Variants in NSUN2 observed in about 807,000 individuals in gnomAD.
NSUN2 encodes the protein NOP2/Sun RNA methyltransferase 2.
NSUN2 carries 63 observed loss-of-function variants against 92.7 expected under a neutral mutation model. The ratio of observed to expected loss-of-function variants is 0.68; its 90% confidence interval spans 0.56 to 0.84. NSUN2 has a LOEUF of 0.84. NSUN2 is among the 40% of genes least tolerant of loss of function. The probability of loss-of-function intolerance (pLI) is 0.00; values close to 1 mark genes in which losing one functional copy is unlikely to be tolerated. For missense variants in NSUN2, 989 were observed against 964.9 expected, an observed-to-expected ratio of 1.02 and a Z score of -0.33; for synonymous variants, 356 against 348.3, an observed-to-expected ratio of 1.02 and a Z score of -0.25.
Position 6,604,875 on chromosome 5 carries a change from A to C in NSUN2, c.1738-190T>G, listed in dbSNP as rs778425664. On this transcript the variant is annotated intron_variant, in intron 15 of 18. Coordinates refer to ENST00000264670, the MANE Select transcript of NSUN2 (RefSeq NM_017755.6). ...TGATTACGTCGTTTGGAGGACAGTA[A>C]AGCAAATGAAAGAAGGGCCCCCAAA... 113 of 614,636 alleles carry C rather than the reference A, an allele frequency of 1.8e-4. 2 individuals carry two copies. The highest frequency in any genetic ancestry group is 6.9e-4 in the South Asian group (34 of 49,568). 38.1% of individuals were successfully genotyped at this position (614,636 alleles called of 1,614,324 possible).
chr5:6,619,167 A>T lies in NSUN2; in HGVS notation c.815+939T>A, dbSNP rs150898584. ...GGAATACTGAAAAATTGCAACCTAG[A>T]GGAAAAAAAAACTTTAGTTCATGAT... On this transcript the variant is annotated intron_variant, in intron 7 of 18. Transcript: ENST00000264670. 9.3e-3 allele frequency among the ~76,000 whole-genome samples: 1,409 copies of T among 152,284 alleles called. 19 individuals are homozygous for T. Among genetic ancestry groups the T allele is most frequent in the African/African-American group, 0.032 (1,328 of 41,542 alleles).
intron 8 of NSUN2, among the ~76,000 whole-genome samples, chr5:6,617,667 G>A (rs1737266070): frequency 6.6e-6 from 1 of 152,172 alleles, no homozygotes; most frequent in African/African-American, 2.4e-5. Flanking sequence ...CATACATCAA[G>A]AGGTAAACGG....
rs797045836 is a variant in NSUN2, at chr5:6,600,240, T to C, written c.1998-8A>G. Reference sequence around the variant, plus strand: ...TGCAGAGCGTCTGGATTCCTACAAGTGAAAGTGGCTTCATGTAGAACATTA... The same window carrying C: ...TGCAGAGCGTCTGGATTCCTACAAGCGAAAGTGGCTTCATGTAGAACATTA... On this transcript the variant is annotated splice_region_variant and splice_polypyrimidine_tract_variant and intron_variant, in intron 18 of 18. Coordinates refer to ENST00000264670, the MANE Select transcript of NSUN2 (RefSeq NM_017755.6). 1.9e-6 allele frequency: 3 copies of C among 1,609,226 alleles called. No individual in the cohort carries two copies. Among genetic ancestry groups the C allele is most frequent in the Non-Finnish European group, 2.5e-6 (3 of 1,176,568 alleles).
At chr5:6,620,481 G>T in intron 6 of NSUN2, 183 bp from the exon 7 acceptor site, 1 of 426,290 alleles carries the variant, frequency 2.3e-6, no homozygotes, top group Non-Finnish European at 4.1e-6. Flanking sequence ...GCTCTGGATG[G>T]ATTTTATGGA....
intron 9 of NSUN2, among the ~76,000 whole-genome samples, chr5:6,614,121 A>ACCCTCCC (rs1271007109): frequency 3.9e-5 from 1 of 25,836 alleles, no homozygotes; most frequent in Non-Finnish European, 8.8e-5. Flanking sequence ...AAAAAAAAAA[A>ACCCTCCC]ACCCACAACA....
At chr5:6,625,716 T>G (rs374196256) in intron 3 of NSUN2, 47 bp from the exon 4 acceptor site, 3 of 1,391,540 alleles carry the variant, frequency 2.2e-6, no homozygotes, top group East Asian at 4.6e-5. Context: ...AATACTAAAG[T>G]CGTCTGTTGA....
At chr5:6,603,812 A>G in intron 17 of NSUN2, 2 of 234,806 alleles carry the variant, frequency 8.5e-6, no homozygotes, top group Non-Finnish European at 1.6e-5. Flanking sequence ...GGCTGCTCAC[A>G]GGCTGACCCC....
At position 6,623,292 on chromosome 5, in the gene NSUN2, G is replaced by GAAA; in HGVS notation, c.466-10_466-8dup. ...CTTGACGACTAATATTTCCCTTGAG[G>GAAA]AAAAAAAAAAAATCAGCAACAATTA... is the stretch of plus-strand genomic sequence containing the variant. On this transcript the variant is annotated splice_polypyrimidine_tract_variant and splice_region_variant and intron_variant, in intron 4 of 18. Coordinates refer to ENST00000264670, the MANE Select transcript of NSUN2 (RefSeq NM_017755.6). The GAAA allele has an allele frequency of 4.6e-6, 5 of 1,093,134 alleles. No individual in the cohort carries two copies. The highest frequency in any genetic ancestry group is 3.3e-5 in the East Asian group (1 of 30,706). 67.7% of individuals were successfully genotyped at this position (1,093,134 alleles called of 1,614,324 possible).
At chr5:6,614,104 A>C in intron 9 of NSUN2, among the ~76,000 whole-genome samples, 1 of 77,232 alleles carries the variant, frequency 1.3e-5, no homozygotes, top group African/African-American at 5.3e-5. Flanking sequence ...GGAAAAAAAA[A>C]AAAAAAAAAA....
At chr5:6,602,642 T>A (rs891250802) in intron 17 of NSUN2, 142 bp from the exon 18 acceptor site, 10 of 847,566 alleles carry the variant, frequency 1.2e-5, no homozygotes, top group African/African-American at 1.0e-4. Flanking sequence ...TTCAAGGATC[T>A]AGATGGTGAA....
At chr5:6,627,438 C>T (rs1240514252) in intron 3 of NSUN2, among the ~76,000 whole-genome samples, 1 of 152,168 alleles carries the variant, frequency 6.6e-6, no homozygotes, top group Non-Finnish European at 1.5e-5. Flanking sequence ...ATATGAACAC[C>T]ACATGCCATT....
intron 12 of NSUN2, among the ~76,000 whole-genome samples, chr5:6,608,911 C>T (rs6882580): frequency 0.24 from 35,795 of 152,158 alleles, 4,845 homozygotes; most frequent in Middle Eastern, 0.32. Flanking sequence ...ATTCCATCAG[C>T]GTTAAGATAC....
intron 12 of NSUN2, among the ~76,000 whole-genome samples, chr5:6,608,403 C>CCT (rs1440078811): frequency 6.6e-6 from 1 of 152,218 alleles, no homozygotes; most frequent in East Asian, 1.9e-4. Context: ...TGCTTACAGG[C>CCT]CTCAGCACCA....
rs763213887 is a variant in NSUN2 at position 6,616,869 on chromosome 5, T to C, written c.891-12A>G. The C allele has an allele frequency of 1.9e-6, 3 of 1,610,164 alleles. No homozygotes were observed. Among genetic ancestry groups the C allele is most frequent in the Non-Finnish European group, 2.5e-6 (3 of 1,178,014 alleles). On this transcript the variant is annotated splice_polypyrimidine_tract_variant and intron_variant, in intron 8 of 18. Coordinates refer to ENST00000264670, the MANE Select transcript of NSUN2 (RefSeq NM_017755.6). ...TCCGCAGCTGTAAGCTAAGGGGAGATATCAGATGACTGCAAGGCCAAATGT... is the reference window on the plus strand; with the variant it reads ...TCCGCAGCTGTAAGCTAAGGGGAGACATCAGATGACTGCAAGGCCAAATGT...
intron 15 of NSUN2, chr5:6,604,893 C>A: frequency 1.6e-6 from 1 of 611,082 alleles, no homozygotes; most frequent in Admixed American, 3.0e-5. Flanking sequence ...GAAAGAAGGG[C>A]CCCCAAATGG....
chr5:6,615,516 T>C lies in NSUN2; in HGVS notation c.1021+1211A>G, dbSNP rs193029958. On this transcript the variant is annotated intron_variant, in intron 9 of 18. Coordinates refer to ENST00000264670, the MANE Select transcript of NSUN2 (RefSeq NM_017755.6). ...ACCAACACCATGGCAATTATGACCATGCAAGAAAACATCACCCAGAAATGA... is the reference window on the plus strand; with the variant it reads ...ACCAACACCATGGCAATTATGACCACGCAAGAAAACATCACCCAGAAATGA... Among the ~76,000 whole-genome samples the C allele has an allele frequency of 9.6e-4, 146 of 152,344 alleles. 1 individual carries two copies. The highest frequency in any genetic ancestry group is 3.4e-3 in the African/African-American group (143 of 41,582).
intron 3 of NSUN2, among the ~76,000 whole-genome samples, chr5:6,629,116 T>C (rs1737768483): frequency 6.6e-6 from 1 of 152,244 alleles, no homozygotes; most frequent in African/African-American, 2.4e-5. Context: ...TCTACAATGT[T>C]TTGTTCATAC....
At position 6,632,867 on chromosome 5, in the gene NSUN2, C is replaced by G; in HGVS notation, c.96+17G>C. On this transcript the variant is annotated intron_variant, in intron 1 of 18. Coordinates refer to ENST00000264670, the MANE Select transcript of NSUN2 (RefSeq NM_017755.6). The stretch of plus-strand genomic sequence containing the variant: ...CAGGAGGAGCCCCTGGCCCGCCCGC[C>G]GGGTCCCGGCTCCTACCGCCTCGCC... The G allele has an allele frequency of 6.5e-7, 1 of 1,536,448 alleles. No individual in the cohort carries two copies. Among genetic ancestry groups the G allele is most frequent in the Non-Finnish European group, 8.7e-7 (1 of 1,145,346 alleles).
In NSUN2 at chr5:6,599,630, T is replaced by G. The variant is rs1736458632; in HGVS notation, c.*296A>C. On this transcript the variant is annotated 3_prime_UTR_variant, in exon 19 of 19. Coordinates refer to ENST00000264670, the MANE Select transcript of NSUN2 (RefSeq NM_017755.6). ...CTGCAAGGGCAGTTTTGTTTCTTGA[T>G]AGAAGTACAACTTTTGAAAGTCTAT... The G allele has an allele frequency of 9.1e-6, 3 of 329,420 alleles. No homozygotes were observed. Among genetic ancestry groups the G allele is most frequent in the Non-Finnish European group, 1.6e-5 (3 of 181,838 alleles). The allele number at this position is 329,420 out of a possible 1,614,324, so 20.4% of individuals were successfully genotyped here.
Sources: gnomAD v4.1 joint callset for allele counts (sites outside exome capture counted in the v4.1 genomes callset) on GRCh38, gnomAD v4.1.1 for gene constraint, MANE v1.5 for transcripts, NCBI Gene and HGNC (gene_info 2026-07-23, HGNC 2026-07-21) for gene names.